Variants in SHLD2 observed in about 807,000 individuals in gnomAD.
The protein encoded by SHLD2 is RINN1-REV7-interacting novel NHEJ regulator 2.
SHLD2 carries 30 observed loss-of-function variants against 73.2 expected under a neutral mutation model. The ratio of observed to expected loss-of-function variants is 0.41; its 90% CI spans 0.31 to 0.56. SHLD2 has a LOEUF of 0.56. SHLD2 is among the 20% of genes least tolerant of loss of function. The pLI, the probability that SHLD2 is intolerant of heterozygous loss-of-function variation, is 0.28. For missense variants in SHLD2, 745 were observed against 1,055.9 expected (o/e 0.71, Z 4.08); for synonymous variants, 285 against 370.1 (o/e 0.77, Z 2.64).
At chr10:87,122,627 G>A (rs4339949) in intron 2 of SHLD2, among the ~76,000 whole-genome samples, 47,775 of 151,096 alleles carry the variant, frequency 0.32, 8,320 homozygotes, top group East Asian at 0.74. Context: ...CAGACTAAGC[G>A]TTGGAAAGCT....
At chr10:87,096,276 C>T (rs1841877623) in intron 1 of SHLD2, among the ~76,000 whole-genome samples, 1 of 152,110 alleles carries the variant, frequency 6.6e-6, no homozygotes, top group Admixed American at 6.5e-5. Context: ...AACGCCTGAC[C>T]TCAAGTGATC....
chr10:87,155,473 T>G (rs1240401663), intron 3 of SHLD2, among the ~76,000 whole-genome samples: 1 of 152,164 alleles, frequency 6.6e-6, no homozygotes, highest in Non-Finnish European at 1.5e-5. Flanking sequence ...ACTGTTTTTT[T>G]GGGCAATTAA....
Position 87,140,780 on chromosome 10 carries a change from G to C in SHLD2, c.-5-10570G>C, listed in dbSNP as rs191196958. Among the ~76,000 whole-genome samples, 232 of 152,230 alleles carry C rather than the reference G, an allele frequency of 1.5e-3. 3 individuals are homozygous for C. The highest frequency in any genetic ancestry group is 3.5e-4 in the Non-Finnish European group (24 of 68,024). On this transcript the variant is annotated intron_variant, in intron 2 of 9. Transcript: ENST00000298786. ...GTTTGAGACCAGCCTGGGCAACATA[G>C]TGATACCCCTATCTTTACAAAGATT... is the stretch of plus-strand genomic sequence containing the variant.
intron 2 of SHLD2, among the ~76,000 whole-genome samples, chr10:87,111,571 G>T (rs1427536857): frequency 1.3e-5 from 2 of 150,998 alleles, no homozygotes; most frequent in South Asian, 2.1e-4. Flanking sequence ...AGTCCGGGAG[G>T]TGGAGGTTGC....
chr10:87,145,066 G>A (rs563788191), intron 2 of SHLD2, among the ~76,000 whole-genome samples: 9 of 145,116 alleles, frequency 6.2e-5, no homozygotes, highest in Admixed American at 5.7e-4. Flanking sequence ...TCAGCCTCCC[G>A]AGTAGCTGGG....
chr10:87,166,736 G>C (rs927412832), intron 4 of SHLD2, among the ~76,000 whole-genome samples: 1 of 152,178 alleles, frequency 6.6e-6, no homozygotes, highest in African/African-American at 2.4e-5. Context: ...TTATGTAGAA[G>C]AGTAAGTGGT....
chr10:87,105,835 A>G (rs1044235819), intron 2 of SHLD2, among the ~76,000 whole-genome samples: 1 of 152,218 alleles, frequency 6.6e-6, no homozygotes, highest in Non-Finnish European at 1.5e-5. Context: ...AAGGCCTGCC[A>G]GCTACCTTCA....
intron 8 of SHLD2, among the ~76,000 whole-genome samples, chr10:87,182,456 G>A (rs1848373705): frequency 6.6e-6 from 1 of 152,120 alleles, no homozygotes; most frequent in Non-Finnish European, 1.5e-5. Flanking sequence ...ATTTTCCAAT[G>A]GAAGCAACAT....
chr10:87,138,286 G>A (rs1286906763), intron 2 of SHLD2, among the ~76,000 whole-genome samples: 2 of 151,456 alleles, frequency 1.3e-5, no homozygotes, highest in South Asian at 2.1e-4. Context: ...TCGACAGAGC[G>A]AGACTCAGTC....
At chr10:87,164,425 G>A (rs1414686058) in intron 4 of SHLD2, among the ~76,000 whole-genome samples, 1 of 152,016 alleles carries the variant, frequency 6.6e-6, no homozygotes, top group East Asian at 1.9e-4. Flanking sequence ...GCTAATTTTT[G>A]TATTTCTTGT....
intron 2 of SHLD2, among the ~76,000 whole-genome samples, chr10:87,134,750 C>A (rs1844680884): frequency 6.6e-6 from 1 of 152,184 alleles, no homozygotes; most frequent in Admixed American, 6.5e-5. Flanking sequence ...AGATAACTCT[C>A]ACCCCACACT....
intron 8 of SHLD2, 115 bp downstream of exon 8, chr10:87,180,418 A>C: frequency 7.1e-7 from 1 of 1,399,656 alleles, no homozygotes; most frequent in Non-Finnish European, 9.6e-7. Flanking sequence ...CGAAGAGAAT[A>C]AAATTTTCCG....
At chr10:87,176,229 C>G in intron 7 of SHLD2, 134 bp downstream of exon 7, 2 of 1,288,558 alleles carry the variant, frequency 1.6e-6, no homozygotes. Context: ...TTAAGTGATT[C>G]TCCCCGTTCA....
At chr10:87,141,783 C>A (rs1034711216) in intron 2 of SHLD2, among the ~76,000 whole-genome samples, 3 of 152,070 alleles carry the variant, frequency 2.0e-5, no homozygotes, top group Non-Finnish European at 2.9e-5. Flanking sequence ...GTAATTCCAG[C>A]ACTTTGTGAG....
rs1460886894 is a variant in SHLD2, at chr10:87,190,987, T to C, written c.*304T>C. On this transcript the variant is annotated 3_prime_UTR_variant, in exon 10 of 10. Transcript: ENST00000298786. The stretch of plus-strand genomic sequence containing the variant: ...TTTGTTCACTGTATTTAGTCCCTGC[T>C]ACATTCCAGGCATTGTACTAAGTAT... 5.1e-6 allele frequency: 2 copies of C among 394,714 alleles called. No homozygotes were observed. The highest frequency in any genetic ancestry group is 9.3e-6 in the Non-Finnish European group (2 of 214,258). The allele number at this position is 394,714 out of a possible 1,614,324, so 24.5% of individuals were successfully genotyped here.
In SHLD2 at chr10:87,179,334, A is replaced by C. The variant is rs1216500929; in HGVS notation, c.2171-741A>C. Among the ~76,000 whole-genome samples, 22 of 152,320 alleles carry C rather than the reference A, an allele frequency of 1.4e-4. No individual in the cohort carries two copies. In the East Asian group the frequency reaches 3.9e-3, roughly 27 times the overall value. Reference sequence around the variant, plus strand: ...ATAATGGTGAGCGGAAAGTTGGAAAAAAGTTTAAAAGAGAACAGGCTATTG... The same window carrying C: ...ATAATGGTGAGCGGAAAGTTGGAAACAAGTTTAAAAGAGAACAGGCTATTG... On this transcript the variant is annotated intron_variant, in intron 7 of 9. Transcript: ENST00000298786.
chr10:87,183,592 G>C (rs922590882), intron 8 of SHLD2, among the ~76,000 whole-genome samples: 4 of 152,068 alleles, frequency 2.6e-5, no homozygotes, highest in Non-Finnish European at 5.9e-5. Flanking sequence ...TTTATACCCA[G>C]CCAAACTTTG....
In SHLD2 at chr10:87,148,885, T is replaced by C. The variant is rs534108094; in HGVS notation, c.-5-2465T>C. 3.0e-3 allele frequency among the ~76,000 whole-genome samples: 449 copies of C among 150,022 alleles called. 1 individual carries two copies. Among genetic ancestry groups the C allele is most frequent in the Non-Finnish European group, 4.7e-3 (317 of 67,158 alleles). On this transcript the variant is annotated intron_variant, in intron 2 of 9. Transcript: ENST00000298786. Reference sequence around the variant, plus strand: ...TATATCTAAGTATTCCCACCAACTTTTTTTTTTTTTTTTTTTCTGAGGCAG... The same window carrying C: ...TATATCTAAGTATTCCCACCAACTTCTTTTTTTTTTTTTTTTCTGAGGCAG...
chr10:87,147,568 T>TG (rs1564596718), intron 2 of SHLD2, among the ~76,000 whole-genome samples: 1 of 152,032 alleles, frequency 6.6e-6, no homozygotes, highest in Non-Finnish European at 1.5e-5. Context: ...AAGCGGTAAA[T>TG]GTCGTATACA....
Sources: allele counts gnomAD v4.1 joint callset (sites outside exome capture counted in the v4.1 genomes callset), GRCh38; gene constraint gnomAD v4.1.1; transcripts MANE v1.5; gene names NCBI Gene and HGNC (gene_info 2026-07-23, HGNC 2026-07-21).